The following JADE3 variants were observed in gnomAD, a reference collection of about 807,000 sequenced individuals.
JADE3 encodes the protein jade family PHD finger 3.
JADE3 carries 2 observed loss-of-function variants against 50.1 expected under a neutral mutation model. The observed-to-expected ratio is 0.04, with a 90% CI of 0.02 to 0.13. The LOEUF (loss-of-function observed/expected upper bound fraction) is 0.13, where lower values mean the gene tolerates loss of function less well. Ranked by LOEUF, JADE3 falls within the 10% of genes least tolerant of loss-of-function variation. JADE3 has a pLI of 1.00. For missense variants in JADE3, 475 were observed against 634.4 expected (o/e 0.75, Z 2.70); for synonymous variants, 218 against 232.9 (o/e 0.94, Z 0.58).
intron 7 of JADE3, among the ~76,000 whole-genome samples, chrX:47,037,666 G>A (rs1017433177): frequency 7.2e-5 from 8 of 111,769 alleles, no homozygotes; most frequent in African/African-American, 2.6e-4. Context: ...TACATATTAG[G>A]TGTATATATT....
intron 4 of JADE3, among the ~76,000 whole-genome samples, chrX:47,001,754 A>G (rs1928293128): frequency 8.9e-6 from 1 of 112,236 alleles, no homozygotes; most frequent in Non-Finnish European, 1.9e-5. Context: ...TTCAAAATCA[A>G]ATGACTTCAA....
At chrX:47,038,654 T>TG (rs1202045357) in intron 7 of JADE3, among the ~76,000 whole-genome samples, 1 of 73,089 alleles carries the variant, frequency 1.4e-5, no homozygotes, top group South Asian at 7.7e-4. Context: ...ACCTTGTCTC[T>TG]AAAAAAAAAA....
intron 4 of JADE3, among the ~76,000 whole-genome samples, chrX:47,015,906 T>C (rs1928664921): frequency 9.1e-6 from 1 of 109,470 alleles, no homozygotes; most frequent in Admixed American, 9.8e-5. Flanking sequence ...CTTAATACAA[T>C]GAAGTCTTTA....
intron 1 of JADE3, among the ~76,000 whole-genome samples, chrX:46,930,027 G>A (rs1926457428): frequency 8.9e-6 from 1 of 112,325 alleles, no homozygotes; most frequent in African/African-American, 3.2e-5. Flanking sequence ...TGTACACTTA[G>A]AGTGTGATTT....
At chrX:47,055,477 A>G (rs1929615116) in intron 9 of JADE3, among the ~76,000 whole-genome samples, 1 of 112,193 alleles carries the variant, frequency 8.9e-6, no homozygotes, top group Non-Finnish European at 1.9e-5. Flanking sequence ...ATAAATATTA[A>G]TTCATTTAAT....
intron 3 of JADE3, among the ~76,000 whole-genome samples, chrX:46,989,261 T>C: frequency 8.9e-6 from 1 of 112,607 alleles, no homozygotes; most frequent in Non-Finnish European, 1.9e-5. Context: ...CAAACAGTTG[T>C]TTTAAGGTTC....
In JADE3 at chrX:47,058,912, A is replaced by G. The variant is rs1556374240; in HGVS notation, c.2307A>G (p.Pro769=). ...ATCAGGAAAATGATGGCTATTGCCCAGATTTGGAGCTGAGTGATTCAGAGG... is the reference window on the plus strand; with the variant it reads ...ATCAGGAAAATGATGGCTATTGCCCGGATTTGGAGCTGAGTGATTCAGAGG... The part of the protein sequence containing the change: ...APYQENDGYC[P]DLELSDSEAE... The change falls in exon 11 of 11, where the codon CCA becomes CCG. Residue 769 remains proline (P), a synonymous_variant. Transcript: ENST00000614628. 1.2e-5 allele frequency: 14 copies of G among 1,211,631 alleles called. No homozygotes were observed. The highest frequency in any genetic ancestry group is 1.6e-5 in the Non-Finnish European group (14 of 895,450).
Position 47,002,059 on chromosome X carries a change from G to A in JADE3, c.284+3782G>A, listed in dbSNP as rs1348324110. ...TTTTCTCCCAGTCTATTTATAGATT[G>A]ACTTTTCGTCCAGTTAAGAGGGTCG... On this transcript the variant is annotated intron_variant, in intron 4 of 10. Transcript: ENST00000614628. Among the ~76,000 whole-genome samples the A allele has an allele frequency of 8.9e-4, 99 of 111,165 alleles. 1 individual carries two copies. The highest frequency in any genetic ancestry group is 2.5e-4 in the Non-Finnish European group (13 of 52,956).
At chrX:47,002,645 C>T (rs782054579) in intron 4 of JADE3, among the ~76,000 whole-genome samples, 2 of 105,240 alleles carry the variant, frequency 1.9e-5, no homozygotes, top group East Asian at 5.8e-4. Context: ...TTTTCTATAA[C>T]CCTGCTGAAT....
chrX:46,971,259 G>A (rs1251477672), intron 1 of JADE3, among the ~76,000 whole-genome samples: 5 of 106,696 alleles, frequency 4.7e-5, no homozygotes, highest in Non-Finnish European at 9.7e-5. Context: ...GGGATTACAG[G>A]CGACTGCCAC....
At chrX:46,983,944 G>C (rs1276309327) in intron 1 of JADE3, among the ~76,000 whole-genome samples, 1 of 111,609 alleles carries the variant, frequency 9.0e-6, no homozygotes, top group African/African-American at 3.3e-5. Flanking sequence ...GAGTGGCCTT[G>C]TATTTGGATT....
At chrX:46,918,183 C>CT (rs2044766186) in intron 1 of JADE3, among the ~76,000 whole-genome samples, 1 of 111,496 alleles carries the variant, frequency 9.0e-6, no homozygotes, top group Non-Finnish European at 1.9e-5. Flanking sequence ...TAAGGGAGCT[C>CT]TTTCAGCTCT....
chrX:47,020,791 A>G (rs1407869907), intron 4 of JADE3, among the ~76,000 whole-genome samples: 1 of 112,208 alleles, frequency 8.9e-6, no homozygotes, highest in Admixed American at 9.5e-5. Flanking sequence ...CACAAATTAA[A>G]TGCACTCATT....
In JADE3 at chrX:47,054,601, T is replaced by C. The variant is rs782375752; in HGVS notation, c.1416T>C (p.Phe472=). Residue 472 remains phenylalanine (F), a synonymous_variant, in exon 9 of 11, where the codon TTT becomes TTC. Transcript: ENST00000614628. Reference sequence around the variant, plus strand: ...GCATTCACACTCGAATGAGAATGTTTATGCATCTACGCCAGGACCTGGAGA... The same window carrying C: ...GCATTCACACTCGAATGAGAATGTTCATGCATCTACGCCAGGACCTGGAGA... The part of the protein sequence containing the change: ...EESIHTRMRM[F]MHLRQDLERV... 2 of 1,201,611 alleles carry C rather than the reference T, an allele frequency of 1.7e-6. No individual in the cohort carries two copies. Among genetic ancestry groups the C allele is most frequent in the Admixed American group, 4.4e-5 (2 of 45,791 alleles).
chrX:47,005,119 T>C (rs1259993593), intron 4 of JADE3, among the ~76,000 whole-genome samples: 1 of 111,750 alleles, frequency 8.9e-6, no homozygotes, highest in African/African-American at 3.3e-5. Context: ...GAGTTGGTGC[T>C]GGAGAAGCTA....
At chrX:47,058,040 A>G (rs1929665617) in intron 10 of JADE3, 127 bp from the exon 11 acceptor site, 1 of 545,442 alleles carries the variant, frequency 1.8e-6, no homozygotes, top group Non-Finnish European at 3.0e-6. Flanking sequence ...ACCATGATAT[A>G]CATACATAGC....
chrX:47,026,019 TTTTG>T (rs1928901891), intron 5 of JADE3, among the ~76,000 whole-genome samples: 2 of 111,765 alleles, frequency 1.8e-5, no homozygotes, highest in African/African-American at 6.5e-5. Context: ...TTTTAAAGCT[TTTTG>T]TTTTATGTCT....
intron 1 of JADE3, among the ~76,000 whole-genome samples, chrX:46,951,961 G>A (rs1006348131): frequency 9.0e-6 from 1 of 111,542 alleles, no homozygotes; most frequent in Admixed American, 9.6e-5. Flanking sequence ...GCAAGATCTT[G>A]TTCTATTGCC....
intron 1 of JADE3, among the ~76,000 whole-genome samples, chrX:46,955,516 A>T (rs1289649828): frequency 8.9e-6 from 1 of 112,350 alleles, no homozygotes; most frequent in Non-Finnish European, 1.9e-5. Flanking sequence ...ATTAGTCCCA[A>T]TTAAGTGATT....
Sources: allele counts gnomAD v4.1 joint callset (sites outside exome capture counted in the v4.1 genomes callset), GRCh38; gene constraint gnomAD v4.1.1; transcripts MANE v1.5; gene names NCBI Gene and HGNC (gene_info 2026-07-23, HGNC 2026-07-21).